Variants in ZNF827 observed in about 807,000 individuals in gnomAD.
The protein encoded by ZNF827 is zinc finger protein 827.
ZNF827 carries 13 observed loss-of-function variants against 102.4 expected under a neutral mutation model. That is an observed-to-expected ratio of 0.13 (90% CI 0.08 to 0.20). The LOEUF (loss-of-function observed/expected upper bound fraction) is 0.20. Ranked by LOEUF, ZNF827 falls within the 10% of genes least tolerant of loss-of-function variation. The pLI is 1.00. For missense variants in ZNF827, 1,103 were observed against 1,344.4 expected (o/e 0.82, Z 2.81); for synonymous variants, 523 against 536.2 (o/e 0.98, Z 0.34).
intron 4 of ZNF827, among the ~76,000 whole-genome samples, chr4:145,885,292 T>G (rs1040687376): frequency 7.2e-5 from 11 of 151,996 alleles, no homozygotes; most frequent in Admixed American, 3.3e-4. Context: ...CAAAATGAGG[T>G]ATTTCATACA....
Position 145,903,139 on chromosome 4 carries a change from C to A in ZNF827, c.120G>T (p.Pro40=), listed in dbSNP as rs371962030. 6.2e-7 allele frequency: 1 copy of A among 1,614,220 alleles called. No homozygotes were observed. Among genetic ancestry groups the A allele is most frequent in the South Asian group, 1.1e-5 (1 of 91,082 alleles). ...GGACTTCCCCATAGGATGCTTCTGA[C>A]GGAGTCTCTGAAGAGTTTCCATACC... ...EHWYGNSSET[P]SEASYGEVQE... The change falls in exon 2 of 15, where the codon CCG becomes CCT. Residue 40 remains proline, a synonymous_variant. Transcript: ENST00000508784.
intron 8 of ZNF827, among the ~76,000 whole-genome samples, chr4:145,795,515 C>T (rs1228496684): frequency 6.6e-6 from 1 of 152,240 alleles, no homozygotes; most frequent in Admixed American, 6.5e-5. Context: ...AATTCTGGGA[C>T]TACATCTGCA....
chr4:145,777,099 A>G (rs1436257691), intron 9 of ZNF827, among the ~76,000 whole-genome samples: 2 of 152,240 alleles, frequency 1.3e-5, no homozygotes, highest in Non-Finnish European at 2.9e-5. Context: ...AGAGAAGAAC[A>G]TGGAAAAAAG....
At position 145,760,637 on chromosome 4, in the gene ZNF827, T is replaced by C. The variant is rs1380115193; in HGVS notation, c.*979A>G. 7 of 394,068 alleles carry C rather than the reference T, an allele frequency of 1.8e-5. No homozygotes were observed. The highest frequency in any genetic ancestry group is 2.2e-5 in the Non-Finnish European group (6 of 270,966). The allele number at this position is 394,068 out of a possible 1,614,324, so 24.4% of individuals were successfully genotyped here. On this transcript the variant is annotated 3_prime_UTR_variant, in exon 15 of 15. Transcript: ENST00000508784. ...AATTTTCTATTCCTTACTAAAGATA[T>C]ACAGTACACATGTTCCAGACCCATC...
Position 145,761,552 on chromosome 4 carries a change from A to G in ZNF827, c.*64T>C. On this transcript the variant is annotated 3_prime_UTR_variant, in exon 15 of 15. Transcript: ENST00000508784. The surrounding 1 kb of genome is among the most constrained non-coding windows in gnomAD (Gnocchi z 6.8). Reference sequence around the variant, plus strand: ...ATCTTGTAGTGGGTCTTGAGGTGGCACTCCATGGCAGCGGGGCGGTTGGTG... The same window carrying G: ...ATCTTGTAGTGGGTCTTGAGGTGGCGCTCCATGGCAGCGGGGCGGTTGGTG... 7.8e-7 allele frequency: 1 copy of G among 1,281,088 alleles called. No individual in the cohort carries two copies. The highest frequency in any genetic ancestry group is 1.0e-6 in the Non-Finnish European group (1 of 982,310). 79.4% of individuals were successfully genotyped at this position (1,281,088 alleles called of 1,614,324 possible).
chr4:145,937,745 CGCCGCCGCCGCT>C (rs1314886477), intron 1 of ZNF827, among the ~76,000 whole-genome samples: 1 of 146,784 alleles, frequency 6.8e-6, no homozygotes, highest in Admixed American at 6.7e-5. Context: ...CTGCTCCAGC[CGCCGCCGCCGCT>C]GCCGCCGGCG....
At chr4:145,876,619 C>A (rs552560144) in intron 4 of ZNF827, 21 of 152,288 alleles carry the variant, frequency 1.4e-4, no homozygotes, top group African/African-American at 4.6e-4. Context: ...GAGGTAGGCA[C>A]TAGTATTATC....
intron 11 of ZNF827, among the ~76,000 whole-genome samples, chr4:145,770,779 A>T (rs1402517694): frequency 6.6e-6 from 1 of 152,250 alleles, no homozygotes; most frequent in Non-Finnish European, 1.5e-5. Context: ...GGTAAAATTA[A>T]TATTTCACTA....
intron 8 of ZNF827, among the ~76,000 whole-genome samples, chr4:145,821,682 C>T (rs144412685): frequency 5.8e-4 from 88 of 152,100 alleles, no homozygotes; most frequent in South Asian, 8.3e-4. Flanking sequence ...TTCAGCAGGG[C>T]GAATTTACAT....
intron 9 of ZNF827, among the ~76,000 whole-genome samples, chr4:145,777,479 C>T (rs1000433064): frequency 6.6e-6 from 1 of 152,212 alleles, no homozygotes; most frequent in African/African-American, 2.4e-5. Flanking sequence ...TCTTTGGGAA[C>T]CGACTGATTC....
chr4:145,857,104 A>C (rs903290289), intron 5 of ZNF827, among the ~76,000 whole-genome samples: 109 of 152,366 alleles, frequency 7.2e-4, no homozygotes, highest in Non-Finnish European at 8.7e-4. Flanking sequence ...TTTTCCCTCT[A>C]TATCAGTATA....
chr4:145,793,766 G>C (rs1198974029), intron 8 of ZNF827, among the ~76,000 whole-genome samples: 2 of 152,108 alleles, frequency 1.3e-5, no homozygotes, highest in Non-Finnish European at 1.5e-5. Context: ...CTCTAACTTT[G>C]ATGTTAAAAG....
intron 1 of ZNF827, among the ~76,000 whole-genome samples, chr4:145,933,402 A>T (rs929496245): frequency 1.3e-5 from 2 of 152,224 alleles, no homozygotes; most frequent in African/African-American, 4.8e-5. Context: ...CAGTCACTGC[A>T]AAAATTAATA....
At chr4:145,909,950 C>T (rs772128202) in intron 1 of ZNF827, among the ~76,000 whole-genome samples, 10 of 152,124 alleles carry the variant, frequency 6.6e-5, no homozygotes, top group Admixed American at 6.5e-5. Context: ...TTACAGTTAT[C>T]GAAACACGGA....
At position 145,765,244 on chromosome 4, in the gene ZNF827, C is replaced by T. The variant is rs76846242; in HGVS notation, c.3053-79G>A. 4 of 1,441,326 alleles carry T rather than the reference C, an allele frequency of 2.8e-6. No homozygotes were observed. The highest frequency in any genetic ancestry group is 3.7e-6 in the Non-Finnish European group (4 of 1,080,184). The allele number at this position is 1,441,326 out of a possible 1,614,324, so 89.3% of individuals were successfully genotyped here. A position where few individuals can be genotyped will look rare whatever the true frequency, so the allele number is the denominator to read the frequency against. On this transcript the variant is annotated intron_variant, in intron 12 of 14. Coordinates refer to ENST00000508784, the MANE Select transcript of ZNF827 (RefSeq NM_001306215.2). The surrounding 1 kb of genome is among the most constrained non-coding windows in gnomAD (Gnocchi z 4.7). ...GCAGGAGTGGAGCCAAGCTCCTCCC[C>T]ACTTCCTCCCGCCTCCTCCGACGCC...
At chr4:145,835,224 CT>C (rs1463518230) in intron 7 of ZNF827, 1 of 152,264 alleles carries the variant, frequency 6.6e-6, no homozygotes, top group African/African-American at 2.4e-5. Flanking sequence ...AAGACTGACA[CT>C]GCCCGATCGC....
intron 11 of ZNF827, among the ~76,000 whole-genome samples, chr4:145,767,046 G>A (rs1340042062): frequency 2.0e-5 from 3 of 152,180 alleles, no homozygotes; most frequent in Non-Finnish European, 2.9e-5. Flanking sequence ...ATCCAAAGGT[G>A]ATCAGATGTG....
intron 8 of ZNF827, among the ~76,000 whole-genome samples, chr4:145,816,732 G>T (rs1461156342): frequency 2.0e-5 from 3 of 152,168 alleles, no homozygotes; most frequent in African/African-American, 4.8e-5. Context: ...TCTCCCTCTA[G>T]TAAACAGCTG....
At chr4:145,866,969 G>A (rs1446385584) in intron 5 of ZNF827, among the ~76,000 whole-genome samples, 3 of 152,114 alleles carry the variant, frequency 2.0e-5, no homozygotes, top group Non-Finnish European at 4.4e-5. Flanking sequence ...GAGTTTAAAG[G>A]TACTCTGAAT....
Sources: allele counts gnomAD v4.1 joint callset (sites outside exome capture counted in the v4.1 genomes callset), GRCh38; gene constraint gnomAD v4.1.1; non-coding constraint Gnocchi (gnomAD v3.1); transcripts MANE v1.5; gene names NCBI Gene and HGNC (gene_info 2026-07-23, HGNC 2026-07-21).